Variants in RALB observed in about 807,000 individuals in gnomAD.
RALB encodes the protein RAS like proto-oncogene B.
Under a neutral mutation model 21.3 loss-of-function variants are expected in RALB, and 16 were observed. That is an observed-to-expected ratio of 0.75 (90% CI 0.51 to 1.14). The LOEUF is 1.14. RALB is among the 50% of genes most tolerant of loss of function. The pLI is 0.00. For missense variants in RALB, 161 were observed against 256.2 expected, an observed-to-expected ratio of 0.63 and a Z score of 2.54; for synonymous variants, 93 against 96.1, an observed-to-expected ratio of 0.97 and a Z score of 0.19.
chr2:120,246,733 G>A (rs1291955335), intron 1 of RALB, among the ~76,000 whole-genome samples: 3 of 152,224 alleles, frequency 2.0e-5, no homozygotes, highest in Non-Finnish European at 1.5e-5. Context: ...AAGGGCAGGT[G>A]TCTGTGACTG....
At chr2:120,292,984 A>G (rs2278505) in intron 4 of RALB, among the ~76,000 whole-genome samples, 157 bp from the exon 5 acceptor site, 106,021 of 152,166 alleles carry the variant, frequency 0.7, 37,560 homozygotes, top group Middle Eastern at 0.8. Flanking sequence ...AATCAGTTTG[A>G]CTTTGTGCTT....
chr2:120,248,912 C>G (rs368052482), upstream of RALB, among the ~76,000 whole-genome samples: 216 of 152,210 alleles, frequency 1.4e-3, no homozygotes, highest in African/African-American at 5.0e-3. Context: ...CCAGGAGATT[C>G]ACCCTCCTTG....
chr2:120,267,765 TA>T (rs1689539210), intron 1 of RALB, among the ~76,000 whole-genome samples: 1 of 152,148 alleles, frequency 6.6e-6, no homozygotes, highest in South Asian at 2.1e-4. Context: ...AATCGTTCTT[TA>T]AAAAATGTAA....
At chr2:120,283,655 G>A (rs954427026) in intron 2 of RALB, among the ~76,000 whole-genome samples, 8 of 152,208 alleles carry the variant, frequency 5.3e-5, no homozygotes, top group Non-Finnish European at 8.8e-5. Flanking sequence ...TAAGGTTGGG[G>A]ATGGAGAGGC....
chr2:120,294,538 C>T lies in RALB; in HGVS notation c.*1278C>T, dbSNP rs140273894. Reference sequence around the variant, plus strand: ...ACATTTTTTCCCCATTTTTCAGAAGCGACATTTCATATATAGGTGCCAAAA... The same window carrying T: ...ACATTTTTTCCCCATTTTTCAGAAGTGACATTTCATATATAGGTGCCAAAA... On this transcript the variant is annotated 3_prime_UTR_variant, in exon 5 of 5. Transcript: ENST00000272519. The T allele has an allele frequency of 3.1e-5, 10 of 320,180 alleles. No homozygotes were observed. In the East Asian group the frequency reaches 3.4e-4, roughly 11 times the overall value. 19.8% of individuals were successfully genotyped at this position (320,180 alleles called of 1,614,324 possible).
intron 1 of RALB, among the ~76,000 whole-genome samples, chr2:120,258,441 A>T (rs775194907): frequency 1.3e-5 from 2 of 152,190 alleles, no homozygotes; most frequent in African/African-American, 2.4e-5. Flanking sequence ...AGCGCTTGGC[A>T]CATTCACAGG....
chr2:120,260,935 G>C (rs1689350876), intron 1 of RALB, among the ~76,000 whole-genome samples: 1 of 152,202 alleles, frequency 6.6e-6, no homozygotes, highest in Non-Finnish European at 1.5e-5. Flanking sequence ...TAAATAGTGA[G>C]GGAAGGAAAC....
At chr2:120,240,939 G>T (rs1415725222) in intron 1 of RALB, among the ~76,000 whole-genome samples, 2 of 152,206 alleles carry the variant, frequency 1.3e-5, no homozygotes, top group African/African-American at 2.4e-5. Context: ...GGGACCGGAG[G>T]CCTACTGCTA....
chr2:120,289,482 T>G, intron 3 of RALB, 98 bp from the exon 4 acceptor site: 1 of 1,278,262 alleles, frequency 7.8e-7, no homozygotes, highest in Non-Finnish European at 1.1e-6. Context: ...TTTTTTTTCC[T>G]TCTGCCTTAG....
At chr2:120,292,445 C>G (rs868818347) in intron 4 of RALB, among the ~76,000 whole-genome samples, 2 of 152,108 alleles carry the variant, frequency 1.3e-5, no homozygotes, top group African/African-American at 2.4e-5. Context: ...CCATGGGGTC[C>G]TTGTAAGGAT....
At chr2:120,278,521 TG>T in intron 1 of RALB, 96 bp from the exon 2 acceptor site, 1 of 1,160,726 alleles carries the variant, frequency 8.6e-7, no homozygotes, top group Non-Finnish European at 1.1e-6. Flanking sequence ...TTGGAATGTC[TG>T]GGTTAGTTAG....
Position 120,254,981 on chromosome 2 carries a change from T to TA in RALB, c.-48+2003dup, listed in dbSNP as rs1316017608. Among the ~76,000 whole-genome samples the TA allele has an allele frequency of 2.0e-5, 3 of 152,250 alleles. No individual in the cohort carries two copies. In the East Asian group the frequency reaches 5.8e-4, roughly 29 times the overall value. On this transcript the variant is annotated intron_variant, in intron 1 of 4. Transcript: ENST00000272519. ...TGTGAGCCACCCCGTCTGGCAGGGA[T>TA]AATTCTTTCTTCCAAATCACGTAAT...
At chr2:120,249,113 C>A (rs1237670134), upstream of RALB, among the ~76,000 whole-genome samples, 2 of 150,862 alleles carry the variant, frequency 1.3e-5, no homozygotes, top group Non-Finnish European at 2.9e-5. Flanking sequence ...TGGCTCACTG[C>A]AACTTCTGCC....
intron 4 of RALB, among the ~76,000 whole-genome samples, chr2:120,292,669 G>A (rs1690332736): frequency 6.6e-6 from 1 of 152,146 alleles, no homozygotes; most frequent in Non-Finnish European, 1.5e-5. Context: ...GAAAGCAGCT[G>A]TTAGGCCGGG....
chr2:120,256,899 A>T (rs573583327), intron 1 of RALB, among the ~76,000 whole-genome samples: 5 of 152,318 alleles, frequency 3.3e-5, no homozygotes, highest in South Asian at 2.1e-4. Context: ...TCATTGAGAA[A>T]ATCTTTCTTT....
intron 1 of RALB, among the ~76,000 whole-genome samples, chr2:120,243,367 C>T (rs977157557): frequency 1.3e-5 from 2 of 152,228 alleles, no homozygotes; most frequent in Non-Finnish European, 2.9e-5. Flanking sequence ...CCAGCCCTTA[C>T]CAGGACTCTG....
At chr2:120,268,240 G>A (rs1318888184) in intron 1 of RALB, among the ~76,000 whole-genome samples, 1 of 152,234 alleles carries the variant, frequency 6.6e-6, no homozygotes, top group Admixed American at 6.5e-5. Flanking sequence ...GAGAATCACA[G>A]GGATGGTCTG....
chr2:120,240,255 T>C (rs1413599772), intron 1 of RALB: 16 of 742,392 alleles, frequency 2.2e-5, no homozygotes, highest in Non-Finnish European at 2.9e-5. Flanking sequence ...TCACACAGCA[T>C]GTACTCATGG....
At position 120,294,193 on chromosome 2, in the gene RALB, C is replaced by T; in HGVS notation, c.*933C>T. 1 of 398,610 alleles carries T rather than the reference C, an allele frequency of 2.5e-6. No homozygotes were observed. Among genetic ancestry groups the T allele is most frequent in the Non-Finnish European group, 4.4e-6 (1 of 226,060 alleles). 24.7% of individuals were successfully genotyped at this position (398,610 alleles called of 1,614,324 possible). ...CCTCTTGCTAAGTGTCACACACACT[C>T]TTCCCAAAGACGTGATGAGTTAAAG... On this transcript the variant is annotated 3_prime_UTR_variant, in exon 5 of 5. Coordinates refer to ENST00000272519, the MANE Select transcript of RALB (RefSeq NM_002881.3).
Sources: gnomAD v4.1 joint callset for allele counts (sites outside exome capture counted in the v4.1 genomes callset) on GRCh38, gnomAD v4.1.1 for gene constraint, MANE v1.5 for transcripts, NCBI Gene and HGNC (gene_info 2026-07-23, HGNC 2026-07-21) for gene names.